RNF31: variants seen among roughly 807,000 people sequenced by gnomAD.
RNF31 encodes the protein E3 ubiquitin-protein ligase RNF31.
RNF31 carries 38 observed loss-of-function variants against 133.6 expected under a neutral mutation model. The observed-to-expected ratio is 0.28, with a 90% confidence interval of 0.22 to 0.37. The LOEUF (loss-of-function observed/expected upper bound fraction) is 0.37, where lower values mean the gene tolerates loss of function less well. Ranked by LOEUF, RNF31 falls within the 10% of genes least tolerant of loss-of-function variation. The probability of loss-of-function intolerance (pLI) is 1.00; values close to 1 mark genes in which losing one functional copy is unlikely to be tolerated. For missense variants in RNF31, 1,118 were observed against 1,394.1 expected, an observed-to-expected ratio of 0.80 and a Z score of 3.15; for synonymous variants, 582 against 552.3, an observed-to-expected ratio of 1.05 and a Z score of -0.75.
Position 24,148,427 on chromosome 14 carries a change from C to G in RNF31, c.495+14C>G. On this transcript the variant is annotated intron_variant, in intron 3 of 20. Transcript: ENST00000324103. ...CTGCTATTGCAGGTGAGATGCTCCT[C>G]TAGTCTTGATGGACTTATGCACCAG... 1 of 1,613,798 alleles carries G rather than the reference C, an allele frequency of 6.2e-7. No individual in the cohort carries two copies. The highest frequency in any genetic ancestry group is 8.5e-7 in the Non-Finnish European group (1 of 1,179,978).
In RNF31 at chr14:24,153,627, G is replaced by C. The variant is rs556098199; in HGVS notation, c.2131-1530G>C. The stretch of plus-strand genomic sequence containing the variant: ...ATAATAAAATACATAAAGTTGGCCA[G>C]GCGCAGTGGCTCATACCTGTAATCC... On this transcript the variant is annotated intron_variant, in intron 11 of 20. Transcript: ENST00000324103. Among the ~76,000 whole-genome samples the C allele has an allele frequency of 2.6e-5, 4 of 151,798 alleles. No individual in the cohort carries two copies. In the South Asian group the frequency reaches 8.3e-4, roughly 32 times the overall value.
At position 24,150,087 on chromosome 14, in the gene RNF31, C is replaced by T. The variant is rs564800454; in HGVS notation, c.836C>T (p.Pro279Leu). 1.3e-6 allele frequency: 2 copies of T among 1,593,306 alleles called. No individual in the cohort carries two copies. Among genetic ancestry groups the T allele is most frequent in the East Asian group, 2.3e-5 (1 of 44,410 alleles). ...PSLPASAQPR[P>L]QSTSLLALGD... ...TTACCTGCCTCAGCCCAACCACGGC[C>T]CCAGTCGACCTCCCTGCTGGCCCTG... Residue 279 changes from proline (P) to leucine (L), a missense_variant, in exon 7 of 21, where the codon CCC (proline) becomes CTC (leucine). Pro to Leu is a moderately conservative substitution (Grantham distance 98). Transcript: ENST00000324103.
intron 18 of RNF31, 77 bp downstream of exon 18, chr14:24,158,276 T>A: frequency 7.0e-7 from 1 of 1,424,766 alleles, no homozygotes; most frequent in Middle Eastern, 1.9e-4. Context: ...AAGGGGAGGC[T>A]TGGGTCTGGG....
chr14:24,157,717 G>A lies in RNF31; in HGVS notation c.2727+79G>A. The stretch of plus-strand genomic sequence containing the variant: ...TGAGAGTCAGAGGCTATTGAGGAGT[G>A]GCCCCGGGGAAGAGAAGAGGTCAAC... On this transcript the variant is annotated intron_variant, in intron 16 of 20. Transcript: ENST00000324103. The A allele has an allele frequency of 4.6e-6, 6 of 1,309,480 alleles. No individual in the cohort carries two copies. In the South Asian group the frequency reaches 4.8e-5, roughly 10 times the overall value. The allele number at this position is 1,309,480 out of a possible 1,614,324, so 81.1% of individuals were successfully genotyped here.
At position 24,159,853 on chromosome 14, in the gene RNF31, C is replaced by T. The variant is rs751248701; in HGVS notation, c.2900-11C>T. On this transcript the variant is annotated splice_polypyrimidine_tract_variant and intron_variant, in intron 18 of 20. Coordinates refer to ENST00000324103, the MANE Select transcript of RNF31 (RefSeq NM_017999.5). ...CTCCCAACAGAGGCTCCCTTCTTCCCTCACCTTTAGGCGGCTGCCGAGTGA... is the reference window on the plus strand; with the variant it reads ...CTCCCAACAGAGGCTCCCTTCTTCCTTCACCTTTAGGCGGCTGCCGAGTGA... 6.2e-7 allele frequency: 1 copy of T among 1,611,816 alleles called. No individual in the cohort carries two copies. Among genetic ancestry groups the T allele is most frequent in the Non-Finnish European group, 8.5e-7 (1 of 1,178,112 alleles).
At chr14:24,150,559 G>A in intron 7 of RNF31, 39 bp from the exon 8 acceptor site, 1 of 1,588,414 alleles carries the variant, frequency 6.3e-7, no homozygotes, top group Non-Finnish European at 8.6e-7. Context: ...GTGAACTTCA[G>A]CCAGCCAGTC....
chr14:24,153,572 G>A (rs1403082015), intron 11 of RNF31, among the ~76,000 whole-genome samples: 5 of 150,174 alleles, frequency 3.3e-5, no homozygotes, highest in Non-Finnish European at 5.9e-5. Flanking sequence ...ATGAGATTCC[G>A]TCTCAAAAAA....
Position 24,160,430 on chromosome 14 carries a change from T to C in RNF31, c.3165+23T>C, listed in dbSNP as rs2139097492. The C allele has an allele frequency of 6.2e-7, 1 of 1,609,928 alleles. No homozygotes were observed. The highest frequency in any genetic ancestry group is 1.1e-5 in the South Asian group (1 of 90,896). On this transcript the variant is annotated intron_variant, in intron 20 of 20. Coordinates refer to ENST00000324103, the MANE Select transcript of RNF31 (RefSeq NM_017999.5). The surrounding 1 kb of genome is among the most constrained non-coding windows in gnomAD (Gnocchi z 4.0). ...CAGGTATAGCCTCCACCCAGCCTCA[T>C]CTCTTAACCCACCCTACAGAAGTCA...
At position 24,151,801 on chromosome 14, in the gene RNF31, C is replaced by T. The variant is rs769686476; in HGVS notation, c.1939C>T (p.Leu647Phe). The part of the protein sequence containing the change: ...GPDKQSLVRR[L>F]LAVYALPSWG... ...CATATTGCAGAGCCTGGTCAGGCGG[C>T]TTTTGGCAGTCTACGCACTCCCCAG... The change falls in exon 11 of 21, where the codon CTT (leucine) becomes TTT (phenylalanine). Residue 647 changes from leucine (L) to phenylalanine (F), a missense_variant. By Grantham distance (22) the Leu-to-Phe change is conservative. Transcript: ENST00000324103. The surrounding 1 kb of genome is among the most constrained non-coding windows in gnomAD (Gnocchi z 5.3). 1 of 1,611,028 alleles carries T rather than the reference C, an allele frequency of 6.2e-7. No homozygotes were observed. The highest frequency in any genetic ancestry group is 8.5e-7 in the Non-Finnish European group (1 of 1,178,076).
intron 14 of RNF31, among the ~76,000 whole-genome samples, chr14:24,156,955 G>A (rs1022929129): frequency 6.6e-6 from 1 of 152,092 alleles, no homozygotes; most frequent in African/African-American, 2.4e-5. Context: ...TGACCCTAGG[G>A]GAGCAGGAAT....
At position 24,147,809 on chromosome 14, in the gene RNF31, A is replaced by G. The variant is rs776730522; in HGVS notation, c.111A>G (p.Leu37=). Reference sequence around the variant, plus strand: ...TTTCCCTGGAGCAGCTCCGGCCGCTACTAGCCAGCTCTCTGCCGCTAGCCG... The same window carrying G: ...TTTCCCTGGAGCAGCTCCGGCCGCTGCTAGCCAGCTCTCTGCCGCTAGCCG... The part of the protein sequence containing the change: ...QAFSLEQLRP[L]LASSLPLAAR... The change falls in exon 1 of 21, where the codon CTA becomes CTG. Residue 37 remains leucine, a synonymous_variant. Transcript: ENST00000324103. The G allele has an allele frequency of 6.2e-7, 1 of 1,603,424 alleles. No homozygotes were observed. Among genetic ancestry groups the G allele is most frequent in the Non-Finnish European group, 8.5e-7 (1 of 1,176,734 alleles).
Position 24,151,655 on chromosome 14 carries a change from T to A in RNF31, c.1908T>A (p.Asp636Glu). 6.2e-7 allele frequency: 1 copy of A among 1,611,366 alleles called. No homozygotes were observed. The highest frequency in any genetic ancestry group is 8.5e-7 in the Non-Finnish European group (1 of 1,179,938). Residue 636 changes from aspartate (D) to glutamate (E), a missense_variant, in exon 10 of 21, where the codon GAT (aspartate) becomes GAA (glutamate). Physicochemically the swap from Asp to Glu is conservative, Grantham distance 45. Around this residue, in one of 3 missense-constraint regions of RNF31, gnomAD observed 747 missense variants for 827.9 expected, o/e 0.90. Transcript: ENST00000324103. This position sits in a 1 kb window ranked among gnomAD's most constrained non-coding sequence, Gnocchi z 5.3. Reference sequence around the variant, plus strand: ...GCCCTGAGCCCACCCCTTCCTGGGATGGGCCAGACAAGCAGGTGCTGGGAG... The same window carrying A: ...GCCCTGAGCCCACCCCTTCCTGGGAAGGGCCAGACAAGCAGGTGCTGGGAG... ...DSGPEPTPSWDGPDKQSLVRR... is the reference protein window; with the variant it reads ...DSGPEPTPSWEGPDKQSLVRR...
rs367622201 is a variant in RNF31, at chr14:24,151,745, G to A, written c.1924-41G>A. On this transcript the variant is annotated intron_variant, in intron 10 of 20. Coordinates refer to ENST00000324103, the MANE Select transcript of RNF31 (RefSeq NM_017999.5). The surrounding 1 kb of genome is among the most constrained non-coding windows in gnomAD (Gnocchi z 5.3). ...GGAGCTGAGGGGAAGGGTCCCTGGA[G>A]TCTGACAGCACTTCCCCCCTCCACC... is the stretch of plus-strand genomic sequence containing the variant. 1.9e-6 allele frequency: 3 copies of A among 1,600,372 alleles called. No individual in the cohort carries two copies. The African/African-American group carries it at 4.0e-5, about 21-fold the overall frequency.
At position 24,160,208 on chromosome 14, in the gene RNF31, C is replaced by A. The variant is rs757674642; in HGVS notation, c.2997-31C>A. ...CACACTCAGTTAATATTAGCCAACA[C>A]AACAAATATTCTGCTCCCTTTTCTC... On this transcript the variant is annotated intron_variant, in intron 19 of 20. Transcript: ENST00000324103. The surrounding 1 kb of genome is among the most constrained non-coding windows in gnomAD (Gnocchi z 4.0). The A allele has an allele frequency of 6.3e-7, 1 of 1,595,560 alleles. No individual in the cohort carries two copies. Among genetic ancestry groups the A allele is most frequent in the Non-Finnish European group, 8.5e-7 (1 of 1,170,700 alleles).
chr14:24,159,346 C>A (rs1324283365), intron 18 of RNF31, among the ~76,000 whole-genome samples: 1 of 133,026 alleles, frequency 7.5e-6, no homozygotes, highest in Non-Finnish European at 1.5e-5. Flanking sequence ...GAGTGAAACT[C>A]CATCTCAAAA....
rs772040185 is a variant in RNF31 at position 24,159,930 on chromosome 14, A to C, written c.2966A>C (p.Glu989Ala). The C allele has an allele frequency of 6.2e-7, 1 of 1,614,058 alleles. No individual in the cohort carries two copies. Among genetic ancestry groups the C allele is most frequent in the East Asian group, 2.2e-5 (1 of 44,892 alleles). Reference sequence around the variant, plus strand: ...CTCAGGGACGAAGCTTGTGGCAAGGAAACTCCAGCTGGCTATGCCGGCCTG... The same window carrying C: ...CTCAGGGACGAAGCTTGTGGCAAGGCAACTCCAGCTGGCTATGCCGGCCTG... ...NGLRDEACGK[E>A]TPAGYAGLCQ... The change falls in exon 19 of 21, where the codon GAA becomes GCA. Residue 989 changes from glutamate (E) to alanine (A), a missense_variant. By Grantham distance (107) the Glu-to-Ala change is moderately radical. Transcript: ENST00000324103.
intron 18 of RNF31, among the ~76,000 whole-genome samples, chr14:24,158,926 G>A (rs189184303): frequency 0.01 from 1,536 of 151,138 alleles, 31 homozygotes; most frequent in African/African-American, 0.033. Context: ...CCAGCTACTC[G>A]GGAGGCTGAG....
Position 24,150,701 on chromosome 14 carries a change from G to A in RNF31, c.1301G>A (p.Arg434Gln), listed in dbSNP as rs751266528. The change falls in exon 8 of 21, where the codon CGG becomes CAG. Residue 434 changes from arginine to glutamine, a missense_variant. Physicochemically the swap from Arg to Gln is conservative, Grantham distance 43. This residue lies in a region of RNF31 where 747 missense variants were observed against 827.9 expected (regional missense o/e 0.90). Transcript: ENST00000324103. Reference protein sequence around the residue: ...SPGWVCVMCNRTSSPIPAQHA... With the variant: ...SPGWVCVMCNQTSSPIPAQHA... ...GGCTGGGTGTGTGTTATGTGCAACC[G>A]GACTAGTAGCCCCATTCCAGCACAA... 16 of 1,614,034 alleles carry A rather than the reference G, an allele frequency of 9.9e-6. No individual in the cohort carries two copies. The highest frequency in any genetic ancestry group is 9.9e-5 in the South Asian group (9 of 91,086).
rs1241481195 is a variant in RNF31 at position 24,150,610 on chromosome 14, T to C, written c.1210T>C (p.Leu404=). ...TCTGCCTTCCCAGCAGGGGGATGCT[T>C]TGCTGGCCTCTGCCCAGAGTCAAGT... The part of the protein sequence containing the change: ...CLQPLQQGDA[L]LASAQSQVWY... Residue 404 remains leucine, a synonymous_variant, in exon 8 of 21, where the codon TTG becomes CTG. Transcript: ENST00000324103. The C allele has an allele frequency of 5.6e-6, 9 of 1,609,168 alleles. No individual in the cohort carries two copies. Among genetic ancestry groups the C allele is most frequent in the Non-Finnish European group, 7.7e-6 (9 of 1,176,010 alleles).
Sources: allele counts gnomAD v4.1 joint callset (sites outside exome capture counted in the v4.1 genomes callset), GRCh38; gene constraint gnomAD v4.1.1; regional missense constraint gnomAD v4.1.1; non-coding constraint Gnocchi (gnomAD v3.1); transcripts MANE v1.5; gene names NCBI Gene and HGNC (gene_info 2026-07-23, HGNC 2026-07-21).